Variants in MIPEP observed in about 807,000 individuals in gnomAD.
MIPEP encodes the protein mitochondrial intermediate peptidase.
MIPEP carries 79 observed loss-of-function variants against 90.3 expected under a neutral mutation model. That is an observed-to-expected ratio of 0.87 (90% CI 0.73 to 1.05). MIPEP has a LOEUF of 1.05. MIPEP is among the 50% of genes least tolerant of loss of function. The probability of loss-of-function intolerance (pLI) is 0.00; values close to 1 mark genes in which losing one functional copy is unlikely to be tolerated. For missense variants in MIPEP, 940 were observed against 905.6 expected (o/e 1.04, Z -0.49); for synonymous variants, 334 against 315.8 (o/e 1.06, Z -0.61).
At chr13:23,754,601 C>T (rs1020641443) in intron 18 of MIPEP, among the ~76,000 whole-genome samples, 13 of 152,052 alleles carry the variant, frequency 8.5e-5, no homozygotes, top group African/African-American at 2.9e-4. Flanking sequence ...TCTGGGAAGC[C>T]GACTAGAAAA....
At chr13:23,826,409 C>T (rs1452098077) in intron 14 of MIPEP, among the ~76,000 whole-genome samples, 1 of 152,040 alleles carries the variant, frequency 6.6e-6, no homozygotes, top group Non-Finnish European at 1.5e-5. Flanking sequence ...TTCTAAAAAA[C>T]TGATGACACA....
At position 23,767,879 on chromosome 13, in the gene MIPEP, C is replaced by T. The variant is rs1196402724; in HGVS notation, c.1849-7662G>A. Among the ~76,000 whole-genome samples the T allele has an allele frequency of 2.0e-5, 3 of 152,126 alleles. No homozygotes were observed. The South Asian group carries it at 6.2e-4, about 32-fold the overall frequency. The stretch of plus-strand genomic sequence containing the variant: ...TAGTAAGTGTTCCTTCCTTCATTTT[C>T]CCCTTTTTCCTTTTAGAAACAGAAT... On this transcript the variant is annotated intron_variant, in intron 16 of 18. Coordinates refer to ENST00000382172, the MANE Select transcript of MIPEP (RefSeq NM_005932.4).
chr13:23,789,263 G>C (rs541368269), intron 16 of MIPEP, among the ~76,000 whole-genome samples: 1 of 152,304 alleles, frequency 6.6e-6, no homozygotes, highest in African/African-American at 2.4e-5. Context: ...TTTTATGAGA[G>C]AAGTTCAAAT....
intron 7 of MIPEP, among the ~76,000 whole-genome samples, chr13:23,868,340 G>A (rs1226952756): frequency 6.6e-6 from 1 of 152,190 alleles, no homozygotes; most frequent in East Asian, 1.9e-4. Flanking sequence ...TTAACCGAGA[G>A]CCCTGACAGG....
Position 23,745,699 on chromosome 13 carries a change from G to A in MIPEP, c.2044+10846C>T, listed in dbSNP as rs1207239753. On this transcript the variant is annotated intron_variant, in intron 18 of 18. Coordinates refer to ENST00000382172, the MANE Select transcript of MIPEP (RefSeq NM_005932.4). ...CACTGGCACTCTGGGAGGCCGAGGC[G>A]GGCGGATCACTTGAGGTCAGGAGTT... 5.3e-5 allele frequency among the ~76,000 whole-genome samples: 8 copies of A among 152,164 alleles called. No individual in the cohort carries two copies. The East Asian group carries it at 1.2e-3, about 22-fold the overall frequency.
rs144207743 is a variant in MIPEP at position 23,842,345 on chromosome 13, T to C, written c.1107-857A>G. On this transcript the variant is annotated intron_variant, in intron 10 of 18. Coordinates refer to ENST00000382172, the MANE Select transcript of MIPEP (RefSeq NM_005932.4). ...TGAGTCCCCACAACAAATTTATATA[T>C]AAAAATATAAAAACATAGTTACTAA... 8 of 152,250 alleles carry C rather than the reference T, an allele frequency of 5.3e-5. No homozygotes were observed. In the East Asian group the frequency reaches 9.6e-4, roughly 18 times the overall value. The allele number at this position is 152,250 out of a possible 1,614,324, so 9.4% of individuals were successfully genotyped here.
chr13:23,869,444 C>A lies in MIPEP; in HGVS notation c.791G>T (p.Arg264Leu). The A allele has an allele frequency of 1.2e-6, 2 of 1,602,260 alleles. No homozygotes were observed. The change falls in exon 7 of 19, where the codon CGA (arginine) becomes CTA (leucine). Residue 264 changes from arginine to leucine, a missense_variant. By Grantham distance (102) the Arg-to-Leu change is moderately radical. Transcript: ENST00000382172. Reference sequence around the variant, plus strand: ...AAGAAAAATTTTATAAGCAGCTTCTCGCACCTACGTTTAAAAAGTAAATGG... The same window carrying A: ...AAGAAAAATTTTATAAGCAGCTTCTAGCACCTACGTTTAAAAAGTAAATGG... ...LHAESPDDLV[R>L]EAAYKIFLYP...
intron 15 of MIPEP, among the ~76,000 whole-genome samples, chr13:23,806,335 T>C (rs1953106810): frequency 6.6e-6 from 1 of 152,176 alleles, no homozygotes; most frequent in Non-Finnish European, 1.5e-5. Flanking sequence ...TTATGTACAA[T>C]GGCAGCAAAT....
intron 2 of MIPEP, among the ~76,000 whole-genome samples, chr13:23,884,051 G>A (rs1871368828): frequency 6.6e-6 from 1 of 152,148 alleles, no homozygotes; most frequent in African/African-American, 2.4e-5. Flanking sequence ...TCAGTTGTAT[G>A]GGTGGAAGGA....
chr13:23,885,769 TTA>T (rs1379358265), intron 2 of MIPEP, among the ~76,000 whole-genome samples: 1 of 151,748 alleles, frequency 6.6e-6, no homozygotes, highest in Non-Finnish European at 1.5e-5. Flanking sequence ...AAAAGGTTTA[TTA>T]AAACTGGTTT....
chr13:23,885,840 C>T (rs1871455191), intron 2 of MIPEP, among the ~76,000 whole-genome samples: 1 of 148,936 alleles, frequency 6.7e-6, no homozygotes, highest in Admixed American at 6.7e-5. Flanking sequence ...TTTGGGAGGC[C>T]GAGGCAGGAG....
At chr13:23,888,762 C>G in intron 1 of MIPEP, 2 of 1,039,482 alleles carry the variant, frequency 1.9e-6, no homozygotes, top group Non-Finnish European at 1.2e-6. Flanking sequence ...CCTCTTAAGG[C>G]AGGACTGTAG....
intron 14 of MIPEP, among the ~76,000 whole-genome samples, chr13:23,834,116 G>A (rs1170458423): frequency 6.6e-6 from 1 of 152,140 alleles, no homozygotes; most frequent in Non-Finnish European, 1.5e-5. Context: ...GGTGGAGAGA[G>A]GCCACGCGCC....
intron 10 of MIPEP, 95 bp from the exon 11 acceptor site, chr13:23,841,583 G>T: frequency 7.6e-7 from 1 of 1,307,556 alleles, no homozygotes; most frequent in East Asian, 2.4e-5. Flanking sequence ...TAAGATCACT[G>T]GAGCTAAAGA....
intron 14 of MIPEP, among the ~76,000 whole-genome samples, chr13:23,819,799 A>C (rs1306258044): frequency 6.6e-6 from 1 of 152,176 alleles, no homozygotes; most frequent in Non-Finnish European, 1.5e-5. Flanking sequence ...ACCTGAAGTC[A>C]GGAGTTCAAG....
intron 14 of MIPEP, among the ~76,000 whole-genome samples, chr13:23,821,523 C>T (rs729137): frequency 0.35 from 53,261 of 151,912 alleles, 9,962 homozygotes; most frequent in African/African-American, 0.48. Flanking sequence ...TCACAAGACT[C>T]TCTGGGCTCA....
chr13:23,818,365 G>A (rs1953266792), intron 14 of MIPEP, among the ~76,000 whole-genome samples: 1 of 152,186 alleles, frequency 6.6e-6, no homozygotes. Flanking sequence ...GGTAGAGGAT[G>A]CAGTGTGACA....
In MIPEP at chr13:23,886,357, A is replaced by T. The variant is rs1336633809; in HGVS notation, c.339T>A (p.Asp113Glu). ...QTVLIFDELS[D>E]SLCRVADLAD... The stretch of plus-strand genomic sequence containing the variant: ...CCAAGTCGGCCACTCTGCATAAGGA[A>T]TCCGAGAGCTCATCGAAGATCAGCA... The change falls in exon 2 of 19, where the codon GAT becomes GAA. Residue 113 changes from aspartate to glutamate, a missense_variant. Asp to Glu is a conservative substitution (Grantham distance 45). Transcript: ENST00000382172. 5 of 1,589,598 alleles carry T rather than the reference A, an allele frequency of 3.1e-6. No individual in the cohort carries two copies. The highest frequency in any genetic ancestry group is 1.7e-6 in the Non-Finnish European group (2 of 1,167,488).
intron 4 of MIPEP, among the ~76,000 whole-genome samples, chr13:23,877,439 A>C (rs1871114018): frequency 6.6e-6 from 1 of 152,172 alleles, no homozygotes; most frequent in South Asian, 2.1e-4. Context: ...GAATGTGCTT[A>C]TTATAGTCTT....
Sources: allele counts gnomAD v4.1 joint callset (sites outside exome capture counted in the v4.1 genomes callset), GRCh38; gene constraint gnomAD v4.1.1; transcripts MANE v1.5; gene names NCBI Gene and HGNC (gene_info 2026-07-23, HGNC 2026-07-21).